Variants in CDC14B observed in about 807,000 individuals in gnomAD.
CDC14B encodes cell division cycle 14B, also known as dual specificity protein phosphatase CDC14B.
In CDC14B, 22 loss-of-function variants were observed where a neutral mutation model predicts 64.2. That is an observed-to-expected ratio of 0.34 (90% CI 0.24 to 0.49). The LOEUF (loss-of-function observed/expected upper bound fraction) is 0.49. Among genes scored for constraint, CDC14B ranks in the 20% least tolerant of loss-of-function variants. CDC14B has a pLI of 0.99. For synonymous variants in CDC14B, 191 were observed against 215.8 expected (o/e 0.89, Z 1.01); for missense variants, 498 against 629.9 (o/e 0.79, Z 2.24).
At position 96,580,356 on chromosome 9, in the gene CDC14B, C is replaced by T. The variant is rs922063723; in HGVS notation, c.161-14873G>A. 6.6e-5 allele frequency among the ~76,000 whole-genome samples: 10 copies of T among 151,926 alleles called. No individual in the cohort carries two copies. In the East Asian group the frequency reaches 1.7e-3, roughly 26 times the overall value. Reference sequence around the variant, plus strand: ...AAGCGATTCTCCTGCCTCAGCCTCCCGAGTAGCTGGGATTACAAGCATGCA... The same window carrying T: ...AAGCGATTCTCCTGCCTCAGCCTCCTGAGTAGCTGGGATTACAAGCATGCA... On this transcript the variant is annotated intron_variant, in intron 1 of 13. Coordinates refer to ENST00000375241, the MANE Select transcript of CDC14B (RefSeq NM_033331.4).
chr9:96,596,016 T>A (rs1846046835), intron 1 of CDC14B, among the ~76,000 whole-genome samples: 1 of 152,142 alleles, frequency 6.6e-6, no homozygotes, highest in Non-Finnish European at 1.5e-5. Context: ...AATACACATT[T>A]TAAGTTGGTG....
rs1564255829 is a variant in CDC14B at position 96,529,489 on chromosome 9, C to CATTTT, written c.946+4437_946+4438insAAAAT. On this transcript the variant is annotated intron_variant, in intron 9 of 13. Transcript: ENST00000375241. ...TTGATTGATGTAGCTTTGTACTAAG[C>CATTTT]CTTTTTTTTTTTTTTTTTTTGAGAC... Among the ~76,000 whole-genome samples, 3 of 145,164 alleles carry CATTTT rather than the reference C, an allele frequency of 2.1e-5. 1 individual carries two copies. Among genetic ancestry groups the CATTTT allele is most frequent in the African/African-American group, 8.0e-5 (3 of 37,530 alleles).
chr9:96,522,457 C>A (rs1259871007), intron 12 of CDC14B, 49 bp downstream of exon 12: 14 of 1,209,974 alleles, frequency 1.2e-5, no homozygotes, highest in Non-Finnish European at 1.7e-5. Flanking sequence ...CCAAGGACCC[C>A]ACACACATAT....
chr9:96,607,413 CTTTTTTTTTTTT>C (rs999912549), intron 1 of CDC14B, among the ~76,000 whole-genome samples: 3 of 66,370 alleles, frequency 4.5e-5, no homozygotes, highest in African/African-American at 5.9e-5. Context: ...AACGTGATGT[CTTTTTTTTTTTT>C]TTTTTTTTTT....
chr9:96,535,255 C>T (rs1036934944), intron 7 of CDC14B, among the ~76,000 whole-genome samples: 3 of 151,974 alleles, frequency 2.0e-5, no homozygotes, highest in South Asian at 2.1e-4. Context: ...TGTAGTGAGC[C>T]GAGATTGTGC....
intron 12 of CDC14B, among the ~76,000 whole-genome samples, chr9:96,510,901 C>A (rs1834821857): frequency 6.6e-6 from 1 of 152,178 alleles, no homozygotes; most frequent in African/African-American, 2.4e-5. Context: ...AGCCACCACA[C>A]CAGGCCTATA....
downstream of CDC14B, among the ~76,000 whole-genome samples, chr9:96,496,768 G>T (rs1166991626): frequency 6.6e-6 from 1 of 152,204 alleles, no homozygotes; most frequent in African/African-American, 2.4e-5. Flanking sequence ...CCCTCCCTCC[G>T]AGAAGCCCCT....
intron 4 of CDC14B, among the ~76,000 whole-genome samples, chr9:96,556,780 A>G (rs1021447746): frequency 2.0e-5 from 3 of 152,128 alleles, no homozygotes; most frequent in African/African-American, 7.2e-5. Flanking sequence ...AAAAAATGAA[A>G]TCTCCTAAAT....
intron 9 of CDC14B, among the ~76,000 whole-genome samples, chr9:96,529,489 C>CATTTTTTTT (rs1564255829): frequency 2.1e-5 from 3 of 145,156 alleles, no homozygotes; most frequent in African/African-American, 8.0e-5. Flanking sequence ...TTGTACTAAG[C>CATTTTTTTT]CTTTTTTTTT....
At chr9:96,511,539 C>T (rs1462001476) in intron 12 of CDC14B, among the ~76,000 whole-genome samples, 1 of 152,192 alleles carries the variant, frequency 6.6e-6, no homozygotes, top group African/African-American at 2.4e-5. Context: ...CCACTGCACT[C>T]CAGCCTGGGC....
downstream of CDC14B, among the ~76,000 whole-genome samples, chr9:96,495,862 T>C (rs12376719): frequency 0.18 from 27,364 of 152,078 alleles, 2,615 homozygotes; most frequent in African/African-American, 0.23. Context: ...TCACTGCATA[T>C]CTCCGGGGGT....
In CDC14B at chr9:96,509,752, A is replaced by T. The variant is rs150575212; in HGVS notation, c.1381T>A (p.Ser461Thr). 2 of 1,612,386 alleles carry T rather than the reference A, an allele frequency of 1.2e-6. No individual in the cohort carries two copies. Among genetic ancestry groups the T allele is most frequent in the Non-Finnish European group, 1.7e-6 (2 of 1,178,568 alleles). ...LQSSVQSCKT[S>T]EPNISGSAGI... ...GCACTGCCAGAAATGTTAGGTTCAG[A>T]TGTTTTACAGCTCTGAACACTGGAT... Residue 461 changes from serine to threonine, a missense_variant, in exon 13 of 14, where the codon TCT becomes ACT. Physicochemically the swap from Ser to Thr is moderately conservative, Grantham distance 58. Transcript: ENST00000375241.
chr9:96,588,290 C>T (rs886384658), intron 1 of CDC14B, among the ~76,000 whole-genome samples: 1 of 152,188 alleles, frequency 6.6e-6, no homozygotes, highest in Non-Finnish European at 1.5e-5. Context: ...CACATTTCCA[C>T]AGCAGTAACA....
At chr9:96,538,884 G>T in intron 7 of CDC14B, 194 bp downstream of exon 7, 2 of 522,684 alleles carry the variant, frequency 3.8e-6, no homozygotes, top group Non-Finnish European at 6.9e-6. Context: ...CATCACACAC[G>T]CCAAAAGACT....
At chr9:96,604,121 C>A (rs927835542) in intron 1 of CDC14B, among the ~76,000 whole-genome samples, 5 of 152,114 alleles carry the variant, frequency 3.3e-5, no homozygotes, top group African/African-American at 1.2e-4. Context: ...GCATGCTACA[C>A]TGGCAATGGC....
intron 9 of CDC14B, among the ~76,000 whole-genome samples, chr9:96,529,595 G>A (rs1249777484): frequency 1.3e-5 from 2 of 151,604 alleles, no homozygotes; most frequent in Non-Finnish European, 2.9e-5. Flanking sequence ...AGGTTCAAGG[G>A]ATCCTGCTAT....
intron 6 of CDC14B, among the ~76,000 whole-genome samples, chr9:96,539,751 C>T (rs1399001842): frequency 2.0e-5 from 3 of 152,186 alleles, no homozygotes; most frequent in African/African-American, 7.2e-5. Flanking sequence ...AAATTTCTGT[C>T]CTATCCTATA....
In CDC14B at chr9:96,502,999, C is replaced by T; in HGVS notation, c.*754G>A. ...AACAATGGGCAGCCTCCCAGTTCTT[C>T]AGTCCCTGAAGGACAGAAAAAGGAA... On this transcript the variant is annotated 3_prime_UTR_variant, in exon 14 of 14. Coordinates refer to ENST00000375241, the MANE Select transcript of CDC14B (RefSeq NM_033331.4). The T allele has an allele frequency of 2.5e-6, 1 of 397,132 alleles. No homozygotes were observed. The highest frequency in any genetic ancestry group is 4.4e-6 in the Non-Finnish European group (1 of 225,120). The allele number at this position is 397,132 out of a possible 1,614,324, so 24.6% of individuals were successfully genotyped here. A position where few individuals can be genotyped will look rare whatever the true frequency, so the allele number is the denominator to read the frequency against.
chr9:96,515,646 T>TAA lies in CDC14B; in HGVS notation c.1344-5858_1344-5857insTT, dbSNP rs553321476. On this transcript the variant is annotated intron_variant, in intron 12 of 13. Transcript: ENST00000375241. The surrounding 1 kb of genome is among the most constrained non-coding windows in gnomAD (Gnocchi z 4.3). ...CGGCAGAGAAACAGAACGGGACACT[T>TAA]ACAGCAGCTATCTGTCAGGGGGTCC... 1 of 1,563,218 alleles carries TAA rather than the reference T, an allele frequency of 6.4e-7. No homozygotes were observed. Among genetic ancestry groups the TAA allele is most frequent in the Admixed American group, 1.9e-5 (1 of 52,352 alleles).
Sources: allele counts gnomAD v4.1 joint callset (sites outside exome capture counted in the v4.1 genomes callset), GRCh38; gene constraint gnomAD v4.1.1; non-coding constraint Gnocchi (gnomAD v3.1); transcripts MANE v1.5; gene names NCBI Gene and HGNC (gene_info 2026-07-23, HGNC 2026-07-21).